The following FANCA variants were observed in gnomAD, a reference collection of about 807,000 sequenced individuals.
FANCA encodes the protein FA complementation group A.
Under a neutral mutation model 194.3 loss-of-function variants are expected in FANCA, and 236 were observed. The observed-to-expected ratio is 1.21, with a 90% CI of 1.09 to 1.35. FANCA has a LOEUF of 1.35. FANCA is among the 40% of genes most tolerant of loss of function. The pLI is 0.00. For synonymous variants in FANCA, 1,014 were observed against 715.8 expected, an observed-to-expected ratio of 1.42 and a Z score of -6.65; for missense variants, 2,628 against 1,813.9, an observed-to-expected ratio of 1.45 and a Z score of -8.15.
At chr16:89,749,380 AT>A (rs969218412) in intron 32 of FANCA, among the ~76,000 whole-genome samples, 71 of 152,068 alleles carry the variant, frequency 4.7e-4, no homozygotes, top group African/African-American at 1.7e-3. Context: ...ACCTAGCTAA[AT>A]TTTTTTGTAT....
intron 23 of FANCA, among the ~76,000 whole-genome samples, chr16:89,771,060 G>A (rs1423843008): frequency 2.0e-5 from 3 of 151,146 alleles, no homozygotes; most frequent in African/African-American, 7.3e-5. Context: ...AGCTACCCAG[G>A]AAGCTGAGGC....
At chr16:89,751,815 G>C (rs889804458) in intron 31 of FANCA, among the ~76,000 whole-genome samples, 3 of 150,948 alleles carry the variant, frequency 2.0e-5, no homozygotes, top group Admixed American at 6.6e-5. Context: ...CGCCCGCCCA[G>C]GCTGGAGTGC....
At chr16:89,770,099 T>G (rs7200990) in intron 25 of FANCA, 67 bp downstream of exon 25, 1 of 1,577,514 alleles carries the variant, frequency 6.3e-7, no homozygotes. Context: ...TGAAGACGAA[T>G]TGAGAAGTAG....
In FANCA at chr16:89,761,949, C is replaced by A. The variant is rs755922289; in HGVS notation, c.2852G>T (p.Arg951Leu). 1 of 1,613,312 alleles carries A rather than the reference C, an allele frequency of 6.2e-7. No individual in the cohort carries two copies. Among genetic ancestry groups the A allele is most frequent in the African/African-American group, 1.3e-5 (1 of 74,898 alleles). Residue 951 changes from arginine (R) to leucine (L), a missense_variant and splice_region_variant, in exon 29 of 43, where the codon CGG (arginine) becomes CTG (leucine). Coordinates refer to ENST00000389301, the MANE Select transcript of FANCA (RefSeq NM_000135.4). ...CAGGGTAGCTCTTTTCAACACTTACCGTTCAGTATCTGAAAGAGCATCAGC... is the reference window on the plus strand; with the variant it reads ...CAGGGTAGCTCTTTTCAACACTTACAGTTCAGTATCTGAAAGAGCATCAGC... Reference protein sequence around the residue: ...PEADALSDTERQDFHQWAIHE... With the variant: ...PEADALSDTELQDFHQWAIHE...
At chr16:89,781,722 G>A (rs1251469414) in intron 17 of FANCA, among the ~76,000 whole-genome samples, 3 of 148,576 alleles carry the variant, frequency 2.0e-5, no homozygotes, top group South Asian at 4.2e-4. Context: ...TCATTAGGCC[G>A]GCCATGGTGG....
chr16:89,756,212 G>C (rs2038762658), intron 30 of FANCA, among the ~76,000 whole-genome samples: 1 of 152,138 alleles, frequency 6.6e-6, no homozygotes. Context: ...GATGTGAACA[G>C]ATTTCTCCAA....
At chr16:89,800,427 G>A (rs531978150) in intron 8 of FANCA, among the ~76,000 whole-genome samples, 1 of 152,148 alleles carries the variant, frequency 6.6e-6, no homozygotes, top group Admixed American at 6.5e-5. Context: ...AGGCAAAATG[G>A]GAGCCACTGG....
At chr16:89,788,124 C>T (rs1210906765) in intron 14 of FANCA, among the ~76,000 whole-genome samples, 1 of 152,152 alleles carries the variant, frequency 6.6e-6, no homozygotes, top group Non-Finnish European at 1.5e-5. Flanking sequence ...CGGCCCACCT[C>T]GTCCTCCCAC....
intron 38 of FANCA, 135 bp downstream of exon 38, chr16:89,740,669 G>C: frequency 2.9e-6 from 2 of 697,696 alleles, no homozygotes; most frequent in South Asian, 3.3e-5. Context: ...CGGCCTGGGA[G>C]TTCTCACTCA....
chr16:89,813,913 A>T (rs2041002702), intron 3 of FANCA, among the ~76,000 whole-genome samples: 1 of 152,188 alleles, frequency 6.6e-6, no homozygotes, highest in African/African-American at 2.4e-5. Flanking sequence ...TTAAAGGTTT[A>T]TCTGTGTGGC....
At chr16:89,750,428 A>G (rs2038545734) in intron 31 of FANCA, among the ~76,000 whole-genome samples, 2 of 151,390 alleles carry the variant, frequency 1.3e-5, no homozygotes, top group South Asian at 4.2e-4. Context: ...GCTTGCAGTG[A>G]GCCCAGATCG....
chr16:89,744,884 T>G (rs1598067031), intron 36 of FANCA, 75 bp downstream of exon 36: 1 of 1,324,746 alleles, frequency 7.5e-7, no homozygotes, highest in Non-Finnish European at 1.1e-6. Context: ...CAAGCCAGGG[T>G]GTTTAGGAGA....
intron 28 of FANCA, among the ~76,000 whole-genome samples, chr16:89,762,315 T>G (rs2038978926): frequency 6.6e-6 from 1 of 152,128 alleles, no homozygotes; most frequent in African/African-American, 2.4e-5. Flanking sequence ...AAAAATTACC[T>G]GGGCACGGTG....
At chr16:89,749,983 A>G (rs898990473) in intron 31 of FANCA, 81 bp from the exon 32 acceptor site, 6 of 1,458,872 alleles carry the variant, frequency 4.1e-6, no homozygotes, top group Non-Finnish European at 5.7e-6. Context: ...GTCAGGGGTC[A>G]GGGAGAGGTC....
chr16:89,816,314 G>A lies in FANCA; in HGVS notation c.79+223C>T, dbSNP rs191926922. 894 of 243,730 alleles carry A rather than the reference G, an allele frequency of 3.7e-3. 7 individuals carry two copies. Among genetic ancestry groups the A allele is most frequent in the African/African-American group, 0.02 (856 of 43,892 alleles). The allele number at this position is 243,730 out of a possible 1,614,324, so 15.1% of individuals were successfully genotyped here. A position where few individuals can be genotyped will look rare whatever the true frequency, so the allele number is the denominator to read the frequency against. On this transcript the variant is annotated intron_variant, in intron 1 of 42. Coordinates refer to ENST00000389301, the MANE Select transcript of FANCA (RefSeq NM_000135.4). ...CGGGGGCGGCGTTCGGGAAAGAAGG[G>A]AGCGCCCCGCGGGCGGCGGCTGGGG...
At chr16:89,783,322 G>A (rs1262602142) in intron 15 of FANCA, among the ~76,000 whole-genome samples, 6 of 151,918 alleles carry the variant, frequency 3.9e-5, no homozygotes, top group African/African-American at 4.8e-5. Context: ...AGGCTGAGGC[G>A]GGCAGATCAC....
chr16:89,785,958 C>G (rs2039882419), intron 14 of FANCA, among the ~76,000 whole-genome samples: 1 of 138,796 alleles, frequency 7.2e-6, no homozygotes, highest in Admixed American at 7.8e-5. Flanking sequence ...CAGGTTTGAA[C>G]AATTCTCCTG....
chr16:89,776,825 CG>C (rs1156879940), intron 20 of FANCA, among the ~76,000 whole-genome samples: 4 of 151,306 alleles, frequency 2.6e-5, no homozygotes, highest in Non-Finnish European at 5.9e-5. Flanking sequence ...ACCGAGACTC[CG>C]ACTCAAAAAA....
Position 89,758,579 on chromosome 16 carries a change from T to A in FANCA, c.2979A>T (p.Gln993His), listed in dbSNP as rs761577170. 6.2e-7 allele frequency: 1 copy of A among 1,613,526 alleles called. No homozygotes were observed. The highest frequency in any genetic ancestry group is 8.5e-7 in the Non-Finnish European group (1 of 1,179,578). The change falls in exon 30 of 43, where the codon CAA (glutamine) becomes CAT (histidine). Residue 993 changes from glutamine to histidine, a missense_variant and splice_region_variant. Coordinates refer to ENST00000389301, the MANE Select transcript of FANCA (RefSeq NM_000135.4). ...ILVNALMDFH[Q>H]SSRSYDHSEN... ...CTAATACAGTGTGTGCTGCTAACCT[T>A]TGGTGGAAATCCATCAGTGCGTTGA... is the stretch of plus-strand genomic sequence containing the variant.
Sources: gnomAD v4.1 joint callset for allele counts (sites outside exome capture counted in the v4.1 genomes callset) on GRCh38, gnomAD v4.1.1 for gene constraint, MANE v1.5 for transcripts, NCBI Gene and HGNC (gene_info 2026-07-23, HGNC 2026-07-21) for gene names.